TAF4B: variants seen among roughly 807,000 people sequenced by gnomAD.
TAF4B encodes transcription initiation factor TFIID subunit 4B.
In TAF4B, 38 loss-of-function variants were observed where a neutral mutation model predicts 86.4. That is an observed-to-expected ratio of 0.44 (90% CI 0.34 to 0.58). The LOEUF is 0.58. TAF4B is among the 20% of genes least tolerant of loss of function. The pLI, the probability that TAF4B is intolerant of heterozygous loss-of-function variation, is 0.02. For synonymous variants in TAF4B, 388 were observed against 391.2 expected (o/e 0.99, Z 0.10); for missense variants, 988 against 1,027.6 (o/e 0.96, Z 0.53).
In TAF4B at chr18:26,315,364, T is replaced by C. The variant is rs1279326236; in HGVS notation, c.1968T>C (p.Phe656=). 4.3e-6 allele frequency: 7 copies of C among 1,613,400 alleles called. No homozygotes were observed. Among genetic ancestry groups the C allele is most frequent in the African/African-American group, 1.3e-5 (1 of 74,860 alleles). Residue 656 remains phenylalanine, a synonymous_variant, in exon 10 of 15, where the codon TTT becomes TTC. Coordinates refer to ENST00000269142, the MANE Select transcript of TAF4B (RefSeq NM_005640.3). ...IQSCKDEPFL[F]IGALQKRILD... is the part of the protein sequence containing the mutation. ...CATGTAAAGATGAACCATTTCTTTT[T>C]ATTGGAGCTCTACAAAAGAGAATTT...
At chr18:26,235,465 C>T (rs1343854963) in intron 1 of TAF4B, among the ~76,000 whole-genome samples, 1 of 152,128 alleles carries the variant, frequency 6.6e-6, no homozygotes, top group Non-Finnish European at 1.5e-5. Context: ...CGCCTTGTAC[C>T]CTTGATTAGC....
chr18:26,364,749 A>G (rs985840087), intron 14 of TAF4B, among the ~76,000 whole-genome samples: 1 of 152,100 alleles, frequency 6.6e-6, no homozygotes, highest in East Asian at 1.9e-4. Context: ...ATTTCAGCAT[A>G]CTATTTTACT....
chr18:26,353,866 G>T (rs547186372), intron 13 of TAF4B, among the ~76,000 whole-genome samples: 65 of 152,182 alleles, frequency 4.3e-4, no homozygotes, highest in African/African-American at 1.5e-3. Flanking sequence ...AGTCCAATTT[G>T]CCAATTTTTT....
At chr18:26,318,843 T>C (rs2056935973) in intron 10 of TAF4B, among the ~76,000 whole-genome samples, 1 of 152,252 alleles carries the variant, frequency 6.6e-6, no homozygotes, top group South Asian at 2.1e-4. Flanking sequence ...AAGATATGTG[T>C]GTTTTTATGT....
chr18:26,373,040 C>A (rs929016678), intron 14 of TAF4B, among the ~76,000 whole-genome samples: 3 of 151,928 alleles, frequency 2.0e-5, no homozygotes, highest in Non-Finnish European at 2.9e-5. Context: ...ATGAGTCCCA[C>A]AGAAATGTAG....
chr18:26,295,211 G>T, intron 9 of TAF4B: 1 of 406,728 alleles, frequency 2.5e-6, no homozygotes, highest in Non-Finnish European at 4.9e-6. Context: ...TTTTATATGC[G>T]TATATTAAAA....
At chr18:26,365,894 A>G (rs2057368289) in intron 14 of TAF4B, among the ~76,000 whole-genome samples, 1 of 152,122 alleles carries the variant, frequency 6.6e-6, no homozygotes, top group African/African-American at 2.4e-5. Flanking sequence ...GGCTCATGCC[A>G]TCCTTCCGCC....
chr18:26,237,121 A>G (rs1236505923), intron 1 of TAF4B, among the ~76,000 whole-genome samples: 2 of 152,206 alleles, frequency 1.3e-5, no homozygotes, highest in African/African-American at 4.8e-5. Context: ...TCTGGGTCCC[A>G]GTGGGGATCC....
At chr18:26,279,207 A>T (rs999167491) in intron 5 of TAF4B, among the ~76,000 whole-genome samples, 1 of 152,188 alleles carries the variant, frequency 6.6e-6, no homozygotes, top group Admixed American at 6.6e-5. Flanking sequence ...TTCAAAAATC[A>T]GCATTTCTAT....
At chr18:26,259,529 T>C (rs2056134809) in intron 1 of TAF4B, among the ~76,000 whole-genome samples, 1 of 151,096 alleles carries the variant, frequency 6.6e-6, no homozygotes, top group Non-Finnish European at 1.5e-5. Flanking sequence ...TGAGAACATG[T>C]GGTGTTTGGT....
At chr18:26,285,733 A>G (rs1417947647) in intron 6 of TAF4B, 149 bp from the exon 7 acceptor site, 3 of 912,670 alleles carry the variant, frequency 3.3e-6, no homozygotes, top group Non-Finnish European at 4.9e-6. Context: ...TATTGGCAGG[A>G]TATAAGTAAG....
At chr18:26,245,412 A>G (rs936145734) in intron 1 of TAF4B, among the ~76,000 whole-genome samples, 1 of 152,122 alleles carries the variant, frequency 6.6e-6, no homozygotes, top group African/African-American at 2.4e-5. Context: ...GCGATAGAAC[A>G]AAGCTTCCAC....
intron 7 of TAF4B, among the ~76,000 whole-genome samples, chr18:26,287,931 T>A (rs911738953): frequency 6.6e-6 from 1 of 152,228 alleles, no homozygotes; most frequent in Non-Finnish European, 1.5e-5. Context: ...CTTCCCACTC[T>A]GCATCTCATT....
chr18:26,308,459 G>A (rs931664625), intron 9 of TAF4B, among the ~76,000 whole-genome samples: 1 of 152,118 alleles, frequency 6.6e-6, no homozygotes, highest in African/African-American at 2.4e-5. Flanking sequence ...GAAGGTTGAA[G>A]TTATATAGGT....
chr18:26,229,296 C>T (rs796128774), intron 1 of TAF4B, among the ~76,000 whole-genome samples: 13 of 152,044 alleles, frequency 8.6e-5, no homozygotes, highest in African/African-American at 2.9e-4. Flanking sequence ...AGGAATTGGT[C>T]GTTATAGAGG....
At chr18:26,308,815 T>C (rs1331112997) in intron 9 of TAF4B, among the ~76,000 whole-genome samples, 1 of 138,786 alleles carries the variant, frequency 7.2e-6, no homozygotes, top group African/African-American at 2.7e-5. Flanking sequence ...GAGGATGCAG[T>C]GAGCCGAGAC....
At chr18:26,243,131 G>T (rs182069150) in intron 1 of TAF4B, among the ~76,000 whole-genome samples, 1 of 152,174 alleles carries the variant, frequency 6.6e-6, no homozygotes, top group African/African-American at 2.4e-5. Flanking sequence ...ATGTTGGCCT[G>T]CCTTGCTAGG....
At chr18:26,327,256 C>CTCTG in intron 12 of TAF4B, 116 bp downstream of exon 12, 1 of 1,320,018 alleles carries the variant, frequency 7.6e-7, no homozygotes, top group Admixed American at 2.6e-5. Context: ...CAGAGGATTT[C>CTCTG]CTAAAACGAA....
rs755209808 is a variant in TAF4B, at chr18:26,321,061, C to T, written c.2003-9C>T. The T allele has an allele frequency of 4.3e-6, 7 of 1,613,348 alleles. No individual in the cohort carries two copies. Among genetic ancestry groups the T allele is most frequent in the Non-Finnish European group, 5.9e-6 (7 of 1,179,594 alleles). ...TAAAACACGTAATGGATTTTCTCTG[C>T]TTCTGCAGGTAAAAAGCATGACATT... is the stretch of plus-strand genomic sequence containing the variant. On this transcript the variant is annotated splice_polypyrimidine_tract_variant and intron_variant, in intron 10 of 14. Transcript: ENST00000269142.
Sources: allele counts gnomAD v4.1 joint callset (sites outside exome capture counted in the v4.1 genomes callset), GRCh38; gene constraint gnomAD v4.1.1; transcripts MANE v1.5; gene names NCBI Gene and HGNC (gene_info 2026-07-23, HGNC 2026-07-21).